JAZF1: variants seen among roughly 807,000 people sequenced by gnomAD.
JAZF1 encodes the protein juxtaposed with another zinc finger protein 1.
JAZF1 carries 8 observed loss-of-function variants against 26.4 expected under a neutral mutation model. The ratio of observed to expected loss-of-function variants is 0.30; its 90% CI spans 0.18 to 0.55. The LOEUF is 0.55. Among genes scored for constraint, JAZF1 ranks in the 20% least tolerant of loss-of-function variants. The pLI is 0.94. For synonymous variants in JAZF1, 126 were observed against 122.3 expected, an observed-to-expected ratio of 1.03 and a Z score of -0.20; for missense variants, 199 against 322.0, an observed-to-expected ratio of 0.62 and a Z score of 2.92.
intron 1 of JAZF1, among the ~76,000 whole-genome samples, chr7:28,111,716 A>T (rs1021003839): frequency 6.6e-6 from 1 of 152,258 alleles, no homozygotes; most frequent in Non-Finnish European, 1.5e-5. Context: ...CCTATGGATC[A>T]GAAAACCTAA....
intron 1 of JAZF1, among the ~76,000 whole-genome samples, chr7:28,006,385 A>G (rs1042307864): frequency 1.3e-5 from 2 of 151,986 alleles, no homozygotes; most frequent in South Asian, 4.1e-4. Context: ...AACAAAAAAC[A>G]AAAACCCCAA....
chr7:27,995,550 T>TCTCA (rs1785997789), intron 1 of JAZF1, among the ~76,000 whole-genome samples: 2 of 152,196 alleles, frequency 1.3e-5, no homozygotes, highest in African/African-American at 4.8e-5. Context: ...CTCACAGATT[T>TCTCA]CAGGTTGACT....
intron 1 of JAZF1, among the ~76,000 whole-genome samples, chr7:28,030,288 T>C (rs1404243969): frequency 1.3e-5 from 2 of 152,194 alleles, no homozygotes; most frequent in Non-Finnish European, 2.9e-5. Context: ...AACAAATCAA[T>C]GCGGACAGGA....
chr7:27,954,746 AC>A (rs1225501549), intron 2 of JAZF1, among the ~76,000 whole-genome samples: 1 of 145,114 alleles, frequency 6.9e-6, no homozygotes, highest in Admixed American at 6.8e-5. Context: ...GATTTTCCAG[AC>A]TGCGAACAGG....
intron 1 of JAZF1, among the ~76,000 whole-genome samples, chr7:28,104,568 A>T (rs984078910): frequency 1.3e-5 from 2 of 152,220 alleles, no homozygotes; most frequent in African/African-American, 2.4e-5. Flanking sequence ...TAGTGTTACT[A>T]TTATCACTGT....
intron 1 of JAZF1, among the ~76,000 whole-genome samples, chr7:28,097,370 C>T (rs1784402568): frequency 6.6e-6 from 1 of 152,180 alleles, no homozygotes; most frequent in African/African-American, 2.4e-5. Context: ...ACACATACAA[C>T]ATCAGCCTCC....
chr7:27,832,673 A>AG lies in JAZF1; in HGVS notation c.*126_*127insC. On this transcript the variant is annotated 3_prime_UTR_variant, in exon 5 of 5. Transcript: ENST00000283928. Reference sequence around the variant, plus strand: ...TACATCATTCCAAAATTACAGAAAAAATTTAAAGCATGCATTTAATTCTTT... The same window carrying AG: ...TACATCATTCCAAAATTACAGAAAAAGATTTAAAGCATGCATTTAATTCTTT... The AG allele has an allele frequency of 1.4e-6, 1 of 733,316 alleles. No individual in the cohort carries two copies. Among genetic ancestry groups the AG allele is most frequent in the Non-Finnish European group, 2.1e-6 (1 of 470,298 alleles). 45.4% of individuals were successfully genotyped at this position (733,316 alleles called of 1,614,324 possible).
chr7:27,896,479 T>A (rs6974409), intron 2 of JAZF1, among the ~76,000 whole-genome samples: 3 of 152,156 alleles, frequency 2.0e-5, no homozygotes, highest in African/African-American at 7.2e-5. Flanking sequence ...AACAGAACAT[T>A]CCATGCCCCC....
At chr7:28,080,931 T>TA (rs541202198) in intron 1 of JAZF1, among the ~76,000 whole-genome samples, 9,323 of 139,862 alleles carry the variant, frequency 0.067, 943 homozygotes, top group African/African-American at 0.23. Flanking sequence ...CTACAATTTG[T>TA]AAAAAAAAAC....
At chr7:27,892,639 TTACAC>T (rs1025023974) in intron 3 of JAZF1, among the ~76,000 whole-genome samples, 1 of 152,186 alleles carries the variant, frequency 6.6e-6, no homozygotes, top group Non-Finnish European at 1.5e-5. Flanking sequence ...GATTGCGGAA[TTACAC>T]TACACTCTCT....
chr7:28,073,663 G>A (rs1214906547), intron 1 of JAZF1, among the ~76,000 whole-genome samples: 3 of 152,182 alleles, frequency 2.0e-5, no homozygotes, highest in African/African-American at 4.8e-5. Context: ...GCTTATTTAC[G>A]TCACATATGC....
chr7:28,147,775 G>A (rs577325406), intron 1 of JAZF1, among the ~76,000 whole-genome samples: 5 of 151,960 alleles, frequency 3.3e-5, no homozygotes, highest in African/African-American at 1.2e-4. Context: ...TCAGCTACCT[G>A]GGAGTGGGCT....
chr7:28,097,293 CT>C (rs900626961), intron 1 of JAZF1, among the ~76,000 whole-genome samples: 2 of 151,562 alleles, frequency 1.3e-5, no homozygotes, highest in Non-Finnish European at 2.9e-5. Context: ...TAAGTACAGA[CT>C]TTTTTTTTAA....
At chr7:28,046,901 A>C (rs2128378796) in intron 1 of JAZF1, among the ~76,000 whole-genome samples, 1 of 152,040 alleles carries the variant, frequency 6.6e-6, no homozygotes, top group Admixed American at 6.6e-5. Context: ...TGTTTCACAT[A>C]TTTTTCTCCC....
At chr7:28,127,052 C>A (rs1782706730) in intron 1 of JAZF1, among the ~76,000 whole-genome samples, 1 of 152,222 alleles carries the variant, frequency 6.6e-6, no homozygotes, top group African/African-American at 2.4e-5. Flanking sequence ...TCTGGGATAT[C>A]CCAGGCAGTG....
chr7:28,149,944 AAC>A (rs1209770117), intron 1 of JAZF1, among the ~76,000 whole-genome samples: 3 of 152,222 alleles, frequency 2.0e-5, no homozygotes, highest in African/African-American at 7.2e-5. Context: ...CACTAGAGCA[AAC>A]ACAGCGCCCA....
intron 2 of JAZF1, among the ~76,000 whole-genome samples, chr7:27,955,706 C>T (rs962415722): frequency 6.6e-6 from 1 of 152,172 alleles, no homozygotes; most frequent in Non-Finnish European, 1.5e-5. Flanking sequence ...GACAGTGTCA[C>T]TAAAAGGCAA....
intron 1 of JAZF1, among the ~76,000 whole-genome samples, chr7:28,049,241 G>A (rs1185440408): frequency 1.3e-5 from 2 of 151,398 alleles, no homozygotes; most frequent in Admixed American, 6.6e-5. Context: ...CACCACCACA[G>A]CTGGCTAATT....
intron 3 of JAZF1, among the ~76,000 whole-genome samples, chr7:27,866,083 A>C (rs1180736277): frequency 1.3e-5 from 2 of 152,206 alleles, no homozygotes; most frequent in Non-Finnish European, 2.9e-5. Flanking sequence ...CTTGCAGCAC[A>C]ACCTCAGCTC....
Sources: gnomAD v4.1 joint callset for allele counts (sites outside exome capture counted in the v4.1 genomes callset) on GRCh38, gnomAD v4.1.1 for gene constraint, MANE v1.5 for transcripts, NCBI Gene and HGNC (gene_info 2026-07-23, HGNC 2026-07-21) for gene names.